The following ST6GALNAC3 variants were observed in gnomAD, a reference collection of about 807,000 sequenced individuals.
ST6GALNAC3 encodes ST6 N-acetylgalactosaminide alpha-2,6-sialyltransferase 3, also known as alpha-N-acetylgalactosaminide alpha-2,6-sialyltransferase 3.
Under a neutral mutation model 32.7 loss-of-function variants are expected in ST6GALNAC3, and 25 were observed. That is an observed-to-expected ratio of 0.76 (90% CI 0.56 to 1.07). The LOEUF (loss-of-function observed/expected upper bound fraction) is 1.07. ST6GALNAC3 is among the 50% of genes least tolerant of loss of function. The pLI, the probability that ST6GALNAC3 is intolerant of heterozygous loss-of-function variation, is 0.00. For synonymous variants in ST6GALNAC3, 129 were observed against 133.1 expected, an observed-to-expected ratio of 0.97 and a Z score of 0.21; for missense variants, 355 against 382.4, an observed-to-expected ratio of 0.93 and a Z score of 0.60.
At chr1:76,381,301 CT>C (rs1651698465) in intron 2 of ST6GALNAC3, among the ~76,000 whole-genome samples, 1 of 151,900 alleles carries the variant, frequency 6.6e-6, no homozygotes, top group African/African-American at 2.4e-5. Flanking sequence ...TATTACCATC[CT>C]TGCTTTGCCA....
At chr1:76,309,546 T>C (rs1245962921) in intron 1 of ST6GALNAC3, among the ~76,000 whole-genome samples, 1 of 152,190 alleles carries the variant, frequency 6.6e-6, no homozygotes, top group Non-Finnish European at 1.5e-5. Flanking sequence ...AAGTGACTAC[T>C]AGAAGAAGGC....
chr1:76,314,298 C>T (rs978950151), intron 2 of ST6GALNAC3, among the ~76,000 whole-genome samples: 2 of 152,082 alleles, frequency 1.3e-5, no homozygotes, highest in African/African-American at 4.8e-5. Context: ...TTTAGAAGCT[C>T]TGATTAGCAG....
intron 3 of ST6GALNAC3, among the ~76,000 whole-genome samples, chr1:76,445,963 G>T (rs1001058813): frequency 1.3e-5 from 2 of 152,174 alleles, no homozygotes; most frequent in Admixed American, 6.5e-5. Context: ...AAATTCCTGT[G>T]ATGCAGTTGG....
At chr1:76,528,533 AC>A (rs1663057044) in intron 3 of ST6GALNAC3, among the ~76,000 whole-genome samples, 1 of 152,166 alleles carries the variant, frequency 6.6e-6, no homozygotes. Flanking sequence ...CCAGACGCAT[AC>A]ATAGTATGTC....
intron 1 of ST6GALNAC3, among the ~76,000 whole-genome samples, chr1:76,278,282 C>T (rs1414442389): frequency 2.5e-5 from 3 of 117,770 alleles, no homozygotes; most frequent in East Asian, 3.2e-4. Flanking sequence ...AGTGCAGTGG[C>T]GCGATCTCGG....
chr1:76,559,599 G>A (rs1665128527), intron 3 of ST6GALNAC3, among the ~76,000 whole-genome samples: 1 of 152,146 alleles, frequency 6.6e-6, no homozygotes, highest in African/African-American at 2.4e-5. Context: ...TTGGGGTGGA[G>A]CAAGGTGGAG....
intron 3 of ST6GALNAC3, among the ~76,000 whole-genome samples, chr1:76,456,723 G>A (rs1481490227): frequency 1.3e-5 from 2 of 151,834 alleles, no homozygotes; most frequent in African/African-American, 4.9e-5. Flanking sequence ...AGAGCTATCT[G>A]TGACAAACCC....
intron 3 of ST6GALNAC3, among the ~76,000 whole-genome samples, chr1:76,420,544 G>A (rs553069553): frequency 1.3e-5 from 2 of 151,938 alleles, no homozygotes; most frequent in Non-Finnish European, 2.9e-5. Flanking sequence ...GCATAGCGGT[G>A]GTTAGCCATA....
intron 1 of ST6GALNAC3, among the ~76,000 whole-genome samples, chr1:76,299,583 T>A (rs1660608228): frequency 6.6e-6 from 1 of 151,982 alleles, no homozygotes; most frequent in Non-Finnish European, 1.5e-5. Flanking sequence ...TTGAGTGTCT[T>A]GGGCACCAGA....
chr1:76,356,052 A>G (rs1199855917), intron 2 of ST6GALNAC3, among the ~76,000 whole-genome samples: 2 of 152,192 alleles, frequency 1.3e-5, no homozygotes. Flanking sequence ...TACATTAACT[A>G]TAATGTCCCA....
At chr1:76,413,253 A>G (rs939046177) in intron 3 of ST6GALNAC3, among the ~76,000 whole-genome samples, 2 of 152,156 alleles carry the variant, frequency 1.3e-5, no homozygotes, top group African/African-American at 4.8e-5. Context: ...GAAAACAGGA[A>G]TTACAAATCA....
intron 1 of ST6GALNAC3, among the ~76,000 whole-genome samples, chr1:76,130,567 T>A (rs1345867404): frequency 2.0e-5 from 3 of 152,208 alleles, no homozygotes; most frequent in Admixed American, 2.0e-4. Flanking sequence ...GTTGACCCCT[T>A]GGGGTCCTGG....
chr1:76,140,797 ATTTTT>A (rs3042284), intron 1 of ST6GALNAC3, among the ~76,000 whole-genome samples: 5 of 120,386 alleles, frequency 4.2e-5, no homozygotes, highest in Non-Finnish European at 6.9e-5. Flanking sequence ...TAATTTTCTA[ATTTTT>A]TTTTTTTTTT....
At chr1:76,503,343 A>G (rs998665913) in intron 3 of ST6GALNAC3, among the ~76,000 whole-genome samples, 2 of 152,230 alleles carry the variant, frequency 1.3e-5, no homozygotes, top group African/African-American at 4.8e-5. Context: ...TGCCGCAGTC[A>G]GGCAGGAAGA....
intron 3 of ST6GALNAC3, among the ~76,000 whole-genome samples, chr1:76,623,796 T>C (rs1207846064): frequency 1.3e-5 from 2 of 151,950 alleles, no homozygotes; most frequent in Non-Finnish European, 2.9e-5. Flanking sequence ...TCATTTCCAG[T>C]ATGCTCACAC....
intron 1 of ST6GALNAC3, among the ~76,000 whole-genome samples, chr1:76,295,936 T>A (rs1660378793): frequency 6.6e-6 from 1 of 152,106 alleles, no homozygotes; most frequent in African/African-American, 2.4e-5. Flanking sequence ...CTCCTGCTTT[T>A]GGGAAACAGA....
chr1:76,291,381 C>A (rs1364586923), intron 1 of ST6GALNAC3, among the ~76,000 whole-genome samples: 2 of 152,232 alleles, frequency 1.3e-5, no homozygotes, highest in Non-Finnish European at 2.9e-5. Context: ...TGCCGGAGCA[C>A]CTCCTGGCAG....
At chr1:76,404,315 T>G (rs1294090551) in intron 2 of ST6GALNAC3, among the ~76,000 whole-genome samples, 3 of 152,062 alleles carry the variant, frequency 2.0e-5, no homozygotes, top group African/African-American at 7.2e-5. Context: ...GGAAGTACAT[T>G]TACAGGTTAG....
chr1:76,612,298 G>A (rs953812405), intron 3 of ST6GALNAC3, among the ~76,000 whole-genome samples: 5 of 152,156 alleles, frequency 3.3e-5, no homozygotes, highest in Non-Finnish European at 5.9e-5. Context: ...GTGGGTGGAG[G>A]TAATAATCTG....
Sources: gnomAD v4.1 joint callset for allele counts (sites outside exome capture counted in the v4.1 genomes callset) on GRCh38, gnomAD v4.1.1 for gene constraint, MANE v1.5 for transcripts, NCBI Gene and HGNC (gene_info 2026-07-23, HGNC 2026-07-21) for gene names.